Variants in AKT3 observed in about 807,000 individuals in gnomAD.
AKT3 encodes the protein AKT serine/threonine kinase 3, also known as RAC-gamma serine/threonine-protein kinase.
A neutral mutation model predicts 65.3 loss-of-function variants in AKT3; 15 were observed. The ratio of observed to expected loss-of-function variants is 0.23; its 90% CI spans 0.15 to 0.35. The LOEUF (loss-of-function observed/expected upper bound fraction) is 0.35, where lower values mean the gene tolerates loss of function less well. Among genes scored for constraint, AKT3 ranks in the 10% least tolerant of loss-of-function variants. The pLI, the probability that AKT3 is intolerant of heterozygous loss-of-function variation, is 1.00. For synonymous variants in AKT3, 206 were observed against 183.8 expected, an observed-to-expected ratio of 1.12 and a Z score of -0.98; for missense variants, 243 against 576.5, an observed-to-expected ratio of 0.42 and a Z score of 5.92.
At chr1:243,596,306 G>C (rs1409748454) in intron 8 of AKT3, among the ~76,000 whole-genome samples, 1 of 152,032 alleles carries the variant, frequency 6.6e-6, no homozygotes, top group Non-Finnish European at 1.5e-5. Flanking sequence ...AAAATGAAAA[G>C]GCAAGCTACA....
chr1:243,793,129 G>C (rs2148342238), intron 2 of AKT3: 1 of 152,330 alleles, frequency 6.6e-6, no homozygotes, highest in Admixed American at 6.5e-5. Flanking sequence ...TGGACTGCCT[G>C]AGTCCACTCT....
At chr1:243,652,478 C>A (rs973011978) in intron 4 of AKT3, among the ~76,000 whole-genome samples, 1 of 152,108 alleles carries the variant, frequency 6.6e-6, no homozygotes, top group East Asian at 1.9e-4. Flanking sequence ...CAACTGATAC[C>A]AGCCACTGCA....
chr1:243,805,792 T>A (rs950013297), intron 2 of AKT3, among the ~76,000 whole-genome samples: 1 of 152,328 alleles, frequency 6.6e-6, no homozygotes, highest in Middle Eastern at 3.4e-3. Context: ...GTTAGTAAAG[T>A]GTGTGTTTCT....
At chr1:243,652,448 G>A (rs1315193973) in intron 4 of AKT3, among the ~76,000 whole-genome samples, 2 of 151,934 alleles carry the variant, frequency 1.3e-5, no homozygotes, top group East Asian at 3.9e-4. Flanking sequence ...CCACTACAGG[G>A]CACTAAACAC....
chr1:243,569,949 G>C (rs982382694), intron 9 of AKT3, among the ~76,000 whole-genome samples: 1 of 152,148 alleles, frequency 6.6e-6, no homozygotes, highest in African/African-American at 2.4e-5. Flanking sequence ...GAAATTTTGG[G>C]CAATCATGAA....
At chr1:243,735,167 T>C (rs944490743) in intron 2 of AKT3, 1 of 152,214 alleles carries the variant, frequency 6.6e-6, no homozygotes, top group Non-Finnish European at 1.5e-5. Flanking sequence ...ATGACAACAG[T>C]ATAATAAATA....
intron 8 of AKT3, among the ~76,000 whole-genome samples, chr1:243,594,079 A>G (rs1275404440): frequency 6.6e-6 from 1 of 152,236 alleles, no homozygotes; most frequent in Admixed American, 6.5e-5. Context: ...GGGTTTCTAG[A>G]ACTAATAAGT....
intron 11 of AKT3, chr1:243,548,377 T>C (rs1672821322): frequency 6.6e-6 from 1 of 152,190 alleles, no homozygotes; most frequent in Admixed American, 6.5e-5. Context: ...TAGCAATACT[T>C]TGGTTTTGAA....
At chr1:243,714,625 T>C (rs1379200591) in intron 2 of AKT3, among the ~76,000 whole-genome samples, 1 of 152,170 alleles carries the variant, frequency 6.6e-6, no homozygotes, top group Non-Finnish European at 1.5e-5. Flanking sequence ...GGAAAAGAAA[T>C]TCTGTCATTT....
chr1:243,586,099 T>C (rs1034776846), intron 8 of AKT3, among the ~76,000 whole-genome samples: 2 of 152,052 alleles, frequency 1.3e-5, no homozygotes, highest in African/African-American at 4.8e-5. Flanking sequence ...AAAGAAGACA[T>C]ACAAGCAGCC....
intron 6 of AKT3, chr1:243,625,125 T>G (rs935420663): frequency 8.6e-4 from 5 of 5,784 alleles, no homozygotes; most frequent in South Asian, 6.2e-3. Context: ...GCAGTTTGTG[T>G]TTTTTTTTTT....
rs563031308 is a variant in AKT3 at position 243,677,520 on chromosome 1, A to G, written c.173-12637T>C. On this transcript the variant is annotated intron_variant, in intron 3 of 13. Transcript: ENST00000673466. Reference sequence around the variant, plus strand: ...TAAAATGTATATTTATATATTTCATATATATGAAAAAATATATTTTTCAAA... The same window carrying G: ...TAAAATGTATATTTATATATTTCATGTATATGAAAAAATATATTTTTCAAA... Among the ~76,000 whole-genome samples, 8 of 152,076 alleles carry G rather than the reference A, an allele frequency of 5.3e-5. No individual in the cohort carries two copies. In the South Asian group the frequency reaches 1.0e-3, roughly 20 times the overall value.
At chr1:243,493,480 T>C (rs1667071501) in intron 13 of AKT3, among the ~76,000 whole-genome samples, 1 of 152,108 alleles carries the variant, frequency 6.6e-6, no homozygotes, top group Admixed American at 6.5e-5. Flanking sequence ...TGTGTCTGCT[T>C]TCTTATTTGG....
intron 2 of AKT3, chr1:243,734,902 T>A (rs1025619721): frequency 1.2e-4 from 18 of 152,190 alleles, no homozygotes; most frequent in African/African-American, 4.3e-4. Flanking sequence ...CTTAAATTTT[T>A]TTTACCTTTT....
intron 3 of AKT3, among the ~76,000 whole-genome samples, chr1:243,692,006 C>T (rs1206239137): frequency 6.6e-6 from 1 of 151,954 alleles, no homozygotes; most frequent in Non-Finnish European, 1.5e-5. Flanking sequence ...TGGGAGTGGT[C>T]AAAAAGGAGA....
At position 243,650,327 on chromosome 1, in the gene AKT3, T is replaced by C. The variant is rs149440642; in HGVS notation, c.285-4290A>G. Among the ~76,000 whole-genome samples, 255 of 152,354 alleles carry C rather than the reference T, an allele frequency of 1.7e-3. 1 individual carries two copies. The highest frequency in any genetic ancestry group is 1.7e-3 in the Non-Finnish European group (117 of 68,024). On this transcript the variant is annotated intron_variant, in intron 4 of 13. Coordinates refer to ENST00000673466, the MANE Select transcript of AKT3 (RefSeq NM_005465.7). ...ATTAGCCCTTTGTCAGACGAATAGA[T>C]TGCAAAAATTTTCTCCCATTCTGTA...
At chr1:243,810,274 A>G (rs1319151926) in intron 2 of AKT3, among the ~76,000 whole-genome samples, 4 of 151,926 alleles carry the variant, frequency 2.6e-5, no homozygotes, top group South Asian at 2.1e-4. Flanking sequence ...TTGTTAGACC[A>G]CTAGCAAGAC....
intron 13 of AKT3, among the ~76,000 whole-genome samples, chr1:243,493,748 A>G (rs1375550041): frequency 2.0e-5 from 3 of 152,070 alleles, no homozygotes; most frequent in African/African-American, 7.2e-5. Context: ...TCCAGCAGCC[A>G]TATGTGATTA....
At chr1:243,771,554 A>G (rs1690186648) in intron 2 of AKT3, among the ~76,000 whole-genome samples, 1 of 152,178 alleles carries the variant, frequency 6.6e-6, no homozygotes, top group Non-Finnish European at 1.5e-5. Flanking sequence ...TACTTGCTCT[A>G]AGTACAAACT....
Sources: gnomAD v4.1 joint callset for allele counts (sites outside exome capture counted in the v4.1 genomes callset) on GRCh38, gnomAD v4.1.1 for gene constraint, MANE v1.5 for transcripts, NCBI Gene and HGNC (gene_info 2026-07-23, HGNC 2026-07-21) for gene names.